Variants in RIMS1 observed in about 807,000 individuals in gnomAD.
RIMS1 encodes regulating synaptic membrane exocytosis 1.
A neutral mutation model predicts 214.1 loss-of-function variants in RIMS1; 83 were observed. That is an observed-to-expected ratio of 0.39 (90% confidence interval 0.32 to 0.47). The LOEUF is 0.47. RIMS1 is among the 20% of genes least tolerant of loss of function. RIMS1 has a pLI of 0.99. For synonymous variants in RIMS1, 793 were observed against 786.8 expected, an observed-to-expected ratio of 1.01 and a Z score of -0.13; for missense variants, 2,050 against 2,161.8, an observed-to-expected ratio of 0.95 and a Z score of 1.03.
chr6:72,088,342 A>G (rs1835243731), intron 2 of RIMS1, among the ~76,000 whole-genome samples: 1 of 151,728 alleles, frequency 6.6e-6, no homozygotes, highest in Non-Finnish European at 1.5e-5. Context: ...TTTGCCTCCC[A>G]GGTTCAAGCG....
intron 4 of RIMS1, among the ~76,000 whole-genome samples, chr6:72,107,670 A>C (rs1307967286): frequency 6.6e-6 from 1 of 152,194 alleles, no homozygotes; most frequent in Non-Finnish European, 1.5e-5. Context: ...ACAATTAAAA[A>C]CAATGGAACT....
chr6:72,064,212 G>A (rs1056571962), intron 2 of RIMS1, among the ~76,000 whole-genome samples: 3 of 152,098 alleles, frequency 2.0e-5, no homozygotes, highest in Non-Finnish European at 2.9e-5. Flanking sequence ...CAGCAACTTG[G>A]GAGGCTGAGG....
At chr6:72,259,348 C>A (rs2077053639) in intron 18 of RIMS1, among the ~76,000 whole-genome samples, 1 of 152,038 alleles carries the variant, frequency 6.6e-6, no homozygotes, top group Non-Finnish European at 1.5e-5. Flanking sequence ...TATGCTTAGA[C>A]AGCTTTAAAG....
chr6:71,898,453 T>C (rs934312706), intron 1 of RIMS1, among the ~76,000 whole-genome samples: 3 of 152,170 alleles, frequency 2.0e-5, no homozygotes, highest in African/African-American at 7.2e-5. Flanking sequence ...CCATACATAA[T>C]AGGCCTCCAT....
At chr6:71,962,356 A>G (rs918198561) in intron 1 of RIMS1, among the ~76,000 whole-genome samples, 1 of 152,162 alleles carries the variant, frequency 6.6e-6, no homozygotes, top group African/African-American at 2.4e-5. Context: ...GGGAAGGTCA[A>G]CATTTCTCAT....
At chr6:72,063,946 T>C (rs144104592) in intron 2 of RIMS1, among the ~76,000 whole-genome samples, 2,318 of 152,304 alleles carry the variant, frequency 0.015, 20 homozygotes, top group South Asian at 0.053. Context: ...TGTTCTCACA[T>C]CATCTTCCCT....
intron 29 of RIMS1, among the ~76,000 whole-genome samples, chr6:72,377,094 A>G (rs1042661751): frequency 6.6e-6 from 1 of 152,194 alleles, no homozygotes; most frequent in Non-Finnish European, 1.5e-5. Context: ...ATATCTTTTT[A>G]ATGACCAAGG....
chr6:72,308,919 A>G (rs2095373755), intron 27 of RIMS1, among the ~76,000 whole-genome samples: 1 of 152,164 alleles, frequency 6.6e-6, no homozygotes, highest in Non-Finnish European at 1.5e-5. Flanking sequence ...TTTTCTTACT[A>G]CAAATGCAGT....
chr6:72,243,443 A>G (rs1279275427), intron 10 of RIMS1, among the ~76,000 whole-genome samples: 6 of 151,806 alleles, frequency 4.0e-5, no homozygotes, highest in Admixed American at 3.9e-4. Flanking sequence ...CACTGAAGAC[A>G]TTTGCAAAAG....
At chr6:72,164,815 A>C (rs1043176874) in intron 4 of RIMS1, among the ~76,000 whole-genome samples, 1 of 152,316 alleles carries the variant, frequency 6.6e-6, no homozygotes, top group South Asian at 2.1e-4. Context: ...CCTTCTTACT[A>C]TATCTACAAA....
At chr6:72,155,968 C>T (rs1283499365) in intron 4 of RIMS1, 5 of 218,656 alleles carry the variant, frequency 2.3e-5, no homozygotes, top group African/African-American at 7.0e-5. Context: ...TAGAAGATAA[C>T]AAGTGTTGGT....
At chr6:72,352,607 A>G (rs992387894) in intron 29 of RIMS1, among the ~76,000 whole-genome samples, 1 of 152,216 alleles carries the variant, frequency 6.6e-6, no homozygotes, top group Non-Finnish European at 1.5e-5. Flanking sequence ...GCAGATGCTC[A>G]TGGCAGGCAG....
chr6:72,307,419 G>T, intron 27 of RIMS1, 49 bp downstream of exon 27: 1 of 1,203,856 alleles, frequency 8.3e-7, no homozygotes, highest in East Asian at 2.5e-5. Flanking sequence ...AAAATGTGTA[G>T]TGTGTGTACC....
At chr6:72,127,170 A>C (rs1454027561) in intron 4 of RIMS1, among the ~76,000 whole-genome samples, 1 of 152,140 alleles carries the variant, frequency 6.6e-6, no homozygotes, top group African/African-American at 2.4e-5. Context: ...GGTATTATTG[A>C]TGTTAATATT....
At chr6:72,005,185 A>G (rs2151777405) in intron 2 of RIMS1, among the ~76,000 whole-genome samples, 1 of 152,250 alleles carries the variant, frequency 6.6e-6, no homozygotes, top group South Asian at 2.1e-4. Flanking sequence ...AGTTTTAGAT[A>G]TGCGGCGTTA....
intron 3 of RIMS1, among the ~76,000 whole-genome samples, chr6:72,099,687 A>C (rs1254953823): frequency 7.2e-5 from 11 of 152,156 alleles, no homozygotes; most frequent in Non-Finnish European, 1.6e-4. Flanking sequence ...GAATATTTTA[A>C]ATCTAGATTT....
chr6:72,197,903 G>A (rs2051261337), intron 6 of RIMS1, among the ~76,000 whole-genome samples: 1 of 151,990 alleles, frequency 6.6e-6, no homozygotes, highest in South Asian at 2.1e-4. Context: ...CAAGGAAAAG[G>A]GGAAAAATGT....
At chr6:71,992,400 CTCTCTCTT>C (rs912217303) in intron 2 of RIMS1, among the ~76,000 whole-genome samples, 10 of 87,792 alleles carry the variant, frequency 1.1e-4, no homozygotes, top group Non-Finnish European at 1.7e-4. Flanking sequence ...TTCTTTCTCT[CTCTCTCTT>C]TCTTTCTTTC....
At chr6:71,965,926 CATT>C (rs1030681879) in intron 1 of RIMS1, among the ~76,000 whole-genome samples, 1 of 152,072 alleles carries the variant, frequency 6.6e-6, no homozygotes, top group Non-Finnish European at 1.5e-5. Context: ...ACTGAAATAT[CATT>C]GTTGTGTCTC....
Sources: allele counts gnomAD v4.1 joint callset (sites outside exome capture counted in the v4.1 genomes callset), GRCh38; gene constraint gnomAD v4.1.1; transcripts MANE v1.5; gene names NCBI Gene and HGNC (gene_info 2026-07-23, HGNC 2026-07-21).